Variants in NRXN1 observed in about 807,000 individuals in gnomAD.
NRXN1 encodes neurexin 1, also known as neurexin-1.
In NRXN1, 39 loss-of-function variants were observed where a neutral mutation model predicts 150.9. The observed-to-expected ratio is 0.26, with a 90% CI of 0.20 to 0.34. The LOEUF (loss-of-function observed/expected upper bound fraction) is 0.34, where lower values mean the gene tolerates loss of function less well. Among genes scored for constraint, NRXN1 ranks in the 10% least tolerant of loss-of-function variants. The pLI, the probability that NRXN1 is intolerant of heterozygous loss-of-function variation, is 1.00. For missense variants in NRXN1, 1,815 were observed against 1,949.9 expected, an observed-to-expected ratio of 0.93 and a Z score of 1.30; for synonymous variants, 924 against 757.0, an observed-to-expected ratio of 1.22 and a Z score of -3.62.
chr2:50,429,386 A>C (rs1328239246), intron 17 of NRXN1, among the ~76,000 whole-genome samples: 1 of 152,070 alleles, frequency 6.6e-6, no homozygotes, highest in Non-Finnish European at 1.5e-5. Flanking sequence ...CCTCCCGAGT[A>C]GCTGAAATTA....
chr2:50,739,288 A>T (rs956491137), intron 5 of NRXN1: 6 of 493,592 alleles, frequency 1.2e-5, no homozygotes, highest in African/African-American at 1.2e-4. Flanking sequence ...GTATGTATTA[A>T]TATTGATTTC....
chr2:49,949,270 T>C (rs1460348161), intron 21 of NRXN1, among the ~76,000 whole-genome samples: 1 of 151,990 alleles, frequency 6.6e-6, no homozygotes, highest in Non-Finnish European at 1.5e-5. Context: ...GTATGTTTGT[T>C]ATTTTTTCTC....
rs1304867986 is a variant in NRXN1, at chr2:50,522,729, T to C, written c.2374+5896A>G. On this transcript the variant is annotated intron_variant, in intron 12 of 22. Transcript: ENST00000401669. ...TCATTTATTTTTATTCATTTTTTTT[T>C]TTTTTTTTTTTTTTTTTTTTTGAGA... is the stretch of plus-strand genomic sequence containing the variant. Among the ~76,000 whole-genome samples the C allele has an allele frequency of 4.8e-4, 55 of 114,392 alleles. 3 individuals are homozygous for C. The highest frequency in any genetic ancestry group is 1.6e-3 in the South Asian group (5 of 3,060). 75.0% of individuals were successfully genotyped at this position (114,392 alleles called of 152,430 possible).
At chr2:50,653,195 A>G (rs1309708630) in intron 5 of NRXN1, among the ~76,000 whole-genome samples, 1 of 152,048 alleles carries the variant, frequency 6.6e-6, no homozygotes, top group Admixed American at 6.6e-5. Flanking sequence ...TAGACAAACC[A>G]AATCTAGCAG....
chr2:50,245,774 A>T (rs961852994), intron 17 of NRXN1, among the ~76,000 whole-genome samples: 1 of 151,894 alleles, frequency 6.6e-6, no homozygotes, highest in African/African-American at 2.4e-5. Flanking sequence ...TGACATAAAC[A>T]TAGAACTTAC....
chr2:50,699,995 T>C (rs1365314701), intron 5 of NRXN1, among the ~76,000 whole-genome samples: 1 of 152,138 alleles, frequency 6.6e-6, no homozygotes, highest in African/African-American at 2.4e-5. Context: ...ACTTACAAAT[T>C]ATGCACACAG....
intron 5 of NRXN1, among the ~76,000 whole-genome samples, chr2:50,850,472 T>C (rs1674358612): frequency 6.6e-6 from 1 of 152,174 alleles, no homozygotes; most frequent in African/African-American, 2.4e-5. Flanking sequence ...ATGACTATTT[T>C]GACTTTCTTT....
At position 50,002,164 on chromosome 2, in the gene NRXN1, G is replaced by C. The variant is rs75194145; in HGVS notation, c.4128+51107C>G. Among the ~76,000 whole-genome samples, 137 of 152,152 alleles carry C rather than the reference G, an allele frequency of 9.0e-4. 3 individuals are homozygous for C. The East Asian group carries it at 0.023, about 25-fold the overall frequency. ...AGAGGACTTAGTTAACCTGTGCCCC[G>C]ACTTCAGTCAGACCACATGAACTGT... On this transcript the variant is annotated intron_variant, in intron 21 of 22. Coordinates refer to ENST00000401669, the MANE Select transcript of NRXN1 (RefSeq NM_001330078.2).
intron 17 of NRXN1, among the ~76,000 whole-genome samples, chr2:50,409,281 A>G (rs2082978823): frequency 6.6e-6 from 1 of 152,220 alleles, no homozygotes; most frequent in South Asian, 2.1e-4. Context: ...TCGAGTTTGA[A>G]GTCTTTATCA....
Position 50,739,167 on chromosome 2 carries a change from T to C in NRXN1, c.833-115552A>G, listed in dbSNP as rs1278843431. 4 of 348,624 alleles carry C rather than the reference T, an allele frequency of 1.1e-5. No individual in the cohort carries two copies. In the East Asian group the frequency reaches 2.9e-4, roughly 25 times the overall value. 21.6% of individuals were successfully genotyped at this position (348,624 alleles called of 1,614,324 possible). A position where few individuals can be genotyped will look rare whatever the true frequency, so the allele number is the denominator to read the frequency against. ...TCACAAATCTGTAGATGTCAAAAAT[T>C]CTTACAAATCCTTATGATTATGGAT... On this transcript the variant is annotated intron_variant, in intron 5 of 22. Transcript: ENST00000401669.
intron 17 of NRXN1, among the ~76,000 whole-genome samples, chr2:50,341,388 A>G (rs1381221152): frequency 1.4e-5 from 2 of 143,314 alleles, no homozygotes; most frequent in Non-Finnish European, 3.0e-5. Context: ...GTCTCTTTTA[A>G]GTATTTCTTA....
At chr2:50,350,291 C>T (rs1314788069) in intron 17 of NRXN1, among the ~76,000 whole-genome samples, 1 of 152,176 alleles carries the variant, frequency 6.6e-6, no homozygotes. Context: ...CCATAAGGCA[C>T]ATCACATCTT....
chr2:50,116,300 T>C (rs1310505369), intron 18 of NRXN1, among the ~76,000 whole-genome samples: 1 of 152,072 alleles, frequency 6.6e-6, no homozygotes, highest in East Asian at 1.9e-4. Context: ...GTTAAAGTTA[T>C]TATCTGAACC....
chr2:50,552,739 A>G lies in NRXN1; in HGVS notation c.1607T>C (p.Ile536Thr). The change falls in exon 9 of 23, where the codon ATA (isoleucine) becomes ACA (threonine). Residue 536 changes from isoleucine (I) to threonine (T), a missense_variant. Physicochemically the swap from Ile to Thr is moderately conservative, Grantham distance 89 (BLOSUM62 -1). Transcript: ENST00000401669. ...HQKDAKHPQM[I>T]KVDFFAIEML... The stretch of plus-strand genomic sequence containing the variant: ...CTCAATAGCAAAGAAGTCCACCTTT[A>G]TCATCTGTGGGTGCTTGGCATCTTT... 6.2e-7 allele frequency: 1 copy of G among 1,613,996 alleles called. No individual in the cohort carries two copies. The highest frequency in any genetic ancestry group is 8.5e-7 in the Non-Finnish European group (1 of 1,179,870).
chr2:50,481,760 C>CTTTTTTTTTTTTTTTTT (rs758265489), intron 15 of NRXN1, among the ~76,000 whole-genome samples: 14 of 82,960 alleles, frequency 1.7e-4, no homozygotes, highest in African/African-American at 4.1e-4. Context: ...ACTTTTGTTT[C>CTTTTTTTTTTTTTTTTT]TTTTTTTTTT....
intron 21 of NRXN1, among the ~76,000 whole-genome samples, chr2:50,037,411 C>T (rs1690208326): frequency 1.3e-5 from 2 of 152,070 alleles, no homozygotes; most frequent in African/African-American, 4.8e-5. Context: ...ACTTTAATAT[C>T]TCACTAATAT....
chr2:50,237,295 G>A (rs766789942), intron 17 of NRXN1, among the ~76,000 whole-genome samples: 7 of 152,004 alleles, frequency 4.6e-5, no homozygotes, highest in Non-Finnish European at 1.0e-4. Flanking sequence ...TTAAGAAATA[G>A]TTTAGTAGAA....
At chr2:50,665,802 G>A (rs1291993962) in intron 5 of NRXN1, among the ~76,000 whole-genome samples, 1 of 151,776 alleles carries the variant, frequency 6.6e-6, no homozygotes, top group Non-Finnish European at 1.5e-5. Context: ...ATGCAGTGTA[G>A]AACTGTGAAA....
At chr2:50,463,870 A>T (rs2088518598) in intron 17 of NRXN1, 1 of 151,670 alleles carries the variant, frequency 6.6e-6, no homozygotes, top group Non-Finnish European at 1.5e-5. Flanking sequence ...CAACTACCAC[A>T]TGTAGTCATA....
Sources: gnomAD v4.1 joint callset for allele counts (sites outside exome capture counted in the v4.1 genomes callset) on GRCh38, gnomAD v4.1.1 for gene constraint, MANE v1.5 for transcripts, NCBI Gene and HGNC (gene_info 2026-07-23, HGNC 2026-07-21) for gene names.